ATP8A1: variants seen among roughly 807,000 people sequenced by gnomAD.
ATP8A1 encodes phospholipid-transporting ATPase IA.
A neutral mutation model predicts 177.7 loss-of-function variants in ATP8A1; 90 were observed. The ratio of observed to expected loss-of-function variants is 0.51; its 90% confidence interval spans 0.43 to 0.60. The LOEUF is 0.60. ATP8A1 is among the 20% of genes least tolerant of loss of function. ATP8A1 has a pLI of 0.00. For synonymous variants in ATP8A1, 493 were observed against 485.9 expected, an observed-to-expected ratio of 1.01 and a Z score of -0.19; for missense variants, 1,072 against 1,392.8, an observed-to-expected ratio of 0.77 and a Z score of 3.67.
At chr4:42,457,487 C>T (rs939045269) in intron 27 of ATP8A1, among the ~76,000 whole-genome samples, 14 of 152,128 alleles carry the variant, frequency 9.2e-5, no homozygotes, top group African/African-American at 3.1e-4. Context: ...CAATTATGGC[C>T]TCTCTAATCT....
intron 33 of ATP8A1, among the ~76,000 whole-genome samples, 158 bp from the exon 34 acceptor site, chr4:42,423,863 C>A (rs182828603): frequency 6.6e-6 from 1 of 152,208 alleles, no homozygotes. Flanking sequence ...CTTAGAATAT[C>A]AAAATAAATC....
Position 42,537,081 on chromosome 4 carries a change from G to A in ATP8A1, c.1722+6836C>T, listed in dbSNP as rs58688018. Among the ~76,000 whole-genome samples the A allele has an allele frequency of 6.7e-3, 1,007 of 150,052 alleles. 8 individuals are homozygous for A. The highest frequency in any genetic ancestry group is 0.023 in the African/African-American group (918 of 40,722). On this transcript the variant is annotated intron_variant, in intron 20 of 36. Transcript: ENST00000381668. ...CAGGAGGTGGAGGTTGCGGTGAGCC[G>A]AGATCGTGCCATTGCACTCCAGCCT...
intron 1 of ATP8A1, among the ~76,000 whole-genome samples, chr4:42,633,374 C>T (rs909560159): frequency 6.6e-6 from 1 of 152,166 alleles, no homozygotes; most frequent in African/African-American, 2.4e-5. Flanking sequence ...TGAAATATTC[C>T]ATTTTTCATC....
At position 42,412,828 on chromosome 4, in the gene ATP8A1, C is replaced by G; in HGVS notation, c.*88G>C. Reference sequence around the variant, plus strand: ...CAGATCTACCTTTCCTCTTCATGGACCAGACTGGAATTGGTTAGCAGACTG... The same window carrying G: ...CAGATCTACCTTTCCTCTTCATGGAGCAGACTGGAATTGGTTAGCAGACTG... On this transcript the variant is annotated 3_prime_UTR_variant, in exon 37 of 37. Coordinates refer to ENST00000381668, the MANE Select transcript of ATP8A1 (RefSeq NM_006095.2). 2 of 1,075,042 alleles carry G rather than the reference C, an allele frequency of 1.9e-6. No homozygotes were observed. The highest frequency in any genetic ancestry group is 2.7e-5 in the South Asian group (2 of 73,328). 66.6% of individuals were successfully genotyped at this position (1,075,042 alleles called of 1,614,324 possible).
intron 24 of ATP8A1, among the ~76,000 whole-genome samples, chr4:42,495,993 T>G (rs1408923913): frequency 6.6e-6 from 1 of 152,256 alleles, no homozygotes; most frequent in African/African-American, 2.4e-5. Flanking sequence ...TCATGCCATC[T>G]GACAAAGGTC....
chr4:42,467,923 T>G (rs1275209040), intron 25 of ATP8A1, among the ~76,000 whole-genome samples: 1 of 152,216 alleles, frequency 6.6e-6, no homozygotes, highest in African/African-American at 2.4e-5. Flanking sequence ...GATATACAGA[T>G]TGTGAAGATT....
chr4:42,436,559 T>G (rs1716021493), intron 33 of ATP8A1, among the ~76,000 whole-genome samples: 1 of 152,246 alleles, frequency 6.6e-6, no homozygotes, highest in South Asian at 2.1e-4. Context: ...TTTAGAACAG[T>G]GAATGAAGGT....
At chr4:42,528,731 T>G (rs1388400298) in intron 20 of ATP8A1, among the ~76,000 whole-genome samples, 1 of 152,164 alleles carries the variant, frequency 6.6e-6, no homozygotes, top group Non-Finnish European at 1.5e-5. Context: ...AGTGAGACCT[T>G]GATTGCTTTT....
intron 25 of ATP8A1, among the ~76,000 whole-genome samples, chr4:42,484,634 A>G (rs1330716090): frequency 1.3e-5 from 2 of 152,218 alleles, no homozygotes; most frequent in Non-Finnish European, 2.9e-5. Flanking sequence ...TTTTAAAGAA[A>G]ACGATAAAAG....
chr4:42,515,400 G>A (rs115925685), intron 22 of ATP8A1, among the ~76,000 whole-genome samples: 1,528 of 152,304 alleles, frequency 0.01, 23 homozygotes, highest in African/African-American at 0.035. Context: ...GAATGCTCAA[G>A]AAAAGTCCTG....
At chr4:42,651,368 G>A (rs1210030022) in intron 1 of ATP8A1, among the ~76,000 whole-genome samples, 1 of 152,122 alleles carries the variant, frequency 6.6e-6, no homozygotes, top group East Asian at 1.9e-4. Flanking sequence ...AAAGTTTGGA[G>A]GGCCCAGAAA....
At position 42,464,709 on chromosome 4, in the gene ATP8A1, A is replaced by G. The variant is rs1354246756; in HGVS notation, c.2600T>C (p.Ile867Thr). The change falls in exon 27 of 37, where the codon ATA becomes ACA. Residue 867 changes from isoleucine (I) to threonine (T), a missense_variant. Ile to Thr is a moderately conservative substitution (Grantham distance 89). Transcript: ENST00000381668. ...TATTACCTCGATAATATAGAGCACTATATTCTTGTAGAAGCAGTATAAGAT... is the reference window on the plus strand; with the variant it reads ...TATTACCTCGATAATATAGAGCACTGTATTCTTGTAGAAGCAGTATAAGAT... ...KCILYCFYKN[I>T]VLYIIEIWFA... 1 of 1,605,912 alleles carries G rather than the reference A, an allele frequency of 6.2e-7. No individual in the cohort carries two copies. The highest frequency in any genetic ancestry group is 8.5e-7 in the Non-Finnish European group (1 of 1,173,180).
At position 42,412,251 on chromosome 4, in the gene ATP8A1, T is replaced by C. The variant is rs144524974; in HGVS notation, c.*665A>G. 1.4e-4 allele frequency: 21 copies of C among 152,194 alleles called. No homozygotes were observed. Among genetic ancestry groups the C allele is most frequent in the Admixed American group, 3.9e-4 (6 of 15,278 alleles). The allele number at this position is 152,194 out of a possible 1,614,324, so 9.4% of individuals were successfully genotyped here. ...GATTTTAGTAGCAAATGCCTTGAAA[T>C]ATTCATTTTTGTAAATCACTCTTAC... On this transcript the variant is annotated 3_prime_UTR_variant, in exon 37 of 37. Coordinates refer to ENST00000381668, the MANE Select transcript of ATP8A1 (RefSeq NM_006095.2).
At chr4:42,502,601 G>C (rs1169742570) in intron 24 of ATP8A1, among the ~76,000 whole-genome samples, 2 of 152,128 alleles carry the variant, frequency 1.3e-5, no homozygotes, top group East Asian at 3.9e-4. Flanking sequence ...AGACAGCTCT[G>C]ATTTCCTTCA....
intron 1 of ATP8A1, among the ~76,000 whole-genome samples, chr4:42,642,007 AG>A (rs1740042411): frequency 6.6e-6 from 1 of 151,994 alleles, no homozygotes; most frequent in African/African-American, 2.4e-5. Flanking sequence ...TTTTAAACAA[AG>A]TCTCAATCAT....
chr4:42,481,858 T>C (rs1721704530), intron 25 of ATP8A1, among the ~76,000 whole-genome samples: 1 of 152,176 alleles, frequency 6.6e-6, no homozygotes, highest in Non-Finnish European at 1.5e-5. Flanking sequence ...ATCAGTGGAC[T>C]TGTGTGAGGG....
chr4:42,448,466 C>T (rs1480110933), intron 30 of ATP8A1, among the ~76,000 whole-genome samples: 4 of 126,768 alleles, frequency 3.2e-5, no homozygotes, highest in Admixed American at 1.0e-4. Flanking sequence ...GATGTGACCT[C>T]AGCTCACCGC....
At chr4:42,467,511 G>A (rs1184537313) in intron 25 of ATP8A1, among the ~76,000 whole-genome samples, 1 of 152,124 alleles carries the variant, frequency 6.6e-6, no homozygotes, top group Non-Finnish European at 1.5e-5. Context: ...GGGCAACATG[G>A]TAAAATCCAA....
At position 42,628,531 on chromosome 4, in the gene ATP8A1, G is replaced by A. The variant is rs557000305; in HGVS notation, c.50-1422C>T. On this transcript the variant is annotated intron_variant, in intron 1 of 36. Coordinates refer to ENST00000381668, the MANE Select transcript of ATP8A1 (RefSeq NM_006095.2). ...CAAGTAGGAGGGGCACAGGGTGAGA[G>A]GCACATTGTATCCTTATCACCCTGG... is the stretch of plus-strand genomic sequence containing the variant. 3.9e-5 allele frequency among the ~76,000 whole-genome samples: 6 copies of A among 152,194 alleles called. No homozygotes were observed. The East Asian group carries it at 1.2e-3, about 29-fold the overall frequency.
Sources: gnomAD v4.1 joint callset for allele counts (sites outside exome capture counted in the v4.1 genomes callset) on GRCh38, gnomAD v4.1.1 for gene constraint, MANE v1.5 for transcripts, NCBI Gene and HGNC (gene_info 2026-07-23, HGNC 2026-07-21) for gene names.